Variants in THSD7B observed in about 807,000 individuals in gnomAD.
The protein encoded by THSD7B is thrombospondin type-1 domain-containing protein 7B.
A neutral mutation model predicts 213.6 loss-of-function variants in THSD7B; 138 were observed. That is an observed-to-expected ratio of 0.65 (90% CI 0.56 to 0.74). THSD7B has a LOEUF of 0.74. Among genes scored for constraint, THSD7B ranks in the 30% least tolerant of loss-of-function variants. The probability of loss-of-function intolerance (pLI) is 0.00; values close to 1 mark genes in which losing one functional copy is unlikely to be tolerated. For synonymous variants in THSD7B, 742 were observed against 687.0 expected, an observed-to-expected ratio of 1.08 and a Z score of -1.25; for missense variants, 1,931 against 1,991.5, an observed-to-expected ratio of 0.97 and a Z score of 0.58.
At chr2:137,188,534 T>G (rs1445164227) in intron 7 of THSD7B, among the ~76,000 whole-genome samples, 1 of 152,222 alleles carries the variant, frequency 6.6e-6, no homozygotes, top group African/African-American at 2.4e-5. Context: ...TTACGGAAAC[T>G]CATGATACAC....
chr2:136,867,867 A>G (rs947843431), intron 1 of THSD7B, among the ~76,000 whole-genome samples: 1 of 152,232 alleles, frequency 6.6e-6, no homozygotes, highest in Non-Finnish European at 1.5e-5. Context: ...TATTATTTAG[A>G]AAGTATTTGT....
At chr2:136,899,364 T>A (rs1684023829) in intron 2 of THSD7B, among the ~76,000 whole-genome samples, 1 of 152,238 alleles carries the variant, frequency 6.6e-6, no homozygotes, top group African/African-American at 2.4e-5. Context: ...AGGTGCATGA[T>A]AAATATTTAT....
chr2:136,801,109 C>G (rs1189354958), intron 1 of THSD7B, among the ~76,000 whole-genome samples: 2 of 151,948 alleles, frequency 1.3e-5, no homozygotes, highest in African/African-American at 4.8e-5. Context: ...TTTGCCTTCA[C>G]AAATAATTGA....
chr2:137,557,076 C>T (rs543662919), intron 15 of THSD7B, among the ~76,000 whole-genome samples: 103 of 152,242 alleles, frequency 6.8e-4, no homozygotes, highest in African/African-American at 2.4e-3. Context: ...GACTTAGACT[C>T]CCACACAATA....
intron 2 of THSD7B, among the ~76,000 whole-genome samples, chr2:137,046,172 C>T (rs1044203800): frequency 2.6e-5 from 4 of 152,074 alleles, no homozygotes; most frequent in Non-Finnish European, 5.9e-5. Flanking sequence ...AACTGTATGC[C>T]TAGTGCTGGG....
At chr2:137,572,974 A>G (rs1250544117) in intron 17 of THSD7B, among the ~76,000 whole-genome samples, 1 of 151,882 alleles carries the variant, frequency 6.6e-6, no homozygotes, top group African/African-American at 2.4e-5. Flanking sequence ...TCTGTTAGTG[A>G]TGATCTGTTT....
At chr2:137,031,033 A>G (rs1686656042) in intron 2 of THSD7B, among the ~76,000 whole-genome samples, 1 of 152,210 alleles carries the variant, frequency 6.6e-6, no homozygotes, top group Admixed American at 6.5e-5. Flanking sequence ...CACCTTCATA[A>G]CATGAAAAAC....
chr2:136,831,499 AT>A (rs1452212833), intron 1 of THSD7B, among the ~76,000 whole-genome samples: 2 of 152,188 alleles, frequency 1.3e-5, no homozygotes, highest in Non-Finnish European at 2.9e-5. Context: ...CTTTGGTAGA[AT>A]AGCTAACCTT....
chr2:137,133,507 A>G (rs1021226287), intron 5 of THSD7B, among the ~76,000 whole-genome samples: 1 of 151,176 alleles, frequency 6.6e-6, no homozygotes, highest in African/African-American at 2.4e-5. Context: ...TTTTTTTTTT[A>G]AATGCTGGTT....
chr2:137,165,018 T>G (rs919517590), intron 6 of THSD7B, among the ~76,000 whole-genome samples: 7 of 151,848 alleles, frequency 4.6e-5, no homozygotes, highest in Admixed American at 2.0e-4. Context: ...CCCTAGAACC[T>G]AAAGTATAAT....
At chr2:136,900,514 A>T (rs1040964221) in intron 2 of THSD7B, among the ~76,000 whole-genome samples, 1 of 152,136 alleles carries the variant, frequency 6.6e-6, no homozygotes, top group African/African-American at 2.4e-5. Context: ...TGAAAAAAAC[A>T]GTTTCAACAT....
chr2:137,677,241 G>A lies in THSD7B; in HGVS notation c.*636G>A, dbSNP rs1380219717. The stretch of plus-strand genomic sequence containing the variant: ...GCAGCTACTGAAAATAGCAGCGTGT[G>A]TGTAATTGCTGGACTAGATGAAAGC... On this transcript the variant is annotated 3_prime_UTR_variant, in exon 28 of 28. Coordinates refer to ENST00000409968, the MANE Select transcript of THSD7B (RefSeq NM_001316349.2). 1.3e-5 allele frequency: 2 copies of A among 152,662 alleles called. No homozygotes were observed. Among genetic ancestry groups the A allele is most frequent in the African/African-American group, 2.4e-5 (1 of 41,450 alleles). 9.5% of individuals were successfully genotyped at this position (152,662 alleles called of 1,614,324 possible).
At chr2:137,570,455 C>T (rs1279366601) in intron 16 of THSD7B, among the ~76,000 whole-genome samples, 2 of 152,108 alleles carry the variant, frequency 1.3e-5, no homozygotes, top group East Asian at 1.9e-4. Flanking sequence ...ACTACAGGCG[C>T]CTGCCACCTC....
chr2:137,242,919 T>G (rs1681943960), intron 10 of THSD7B, among the ~76,000 whole-genome samples: 1 of 152,180 alleles, frequency 6.6e-6, no homozygotes, highest in South Asian at 2.1e-4. Flanking sequence ...CTTGTGTGTC[T>G]GGACCCCAGT....
chr2:137,228,630 TTCCAACG>T (rs766289890), intron 7 of THSD7B, among the ~76,000 whole-genome samples: 3 of 152,216 alleles, frequency 2.0e-5, no homozygotes, highest in Non-Finnish European at 4.4e-5. Context: ...TTGCTGATCC[TTCCAACG>T]CCTGAAATAC....
At chr2:136,986,248 A>G (rs1442203033) in intron 2 of THSD7B, among the ~76,000 whole-genome samples, 4 of 152,170 alleles carry the variant, frequency 2.6e-5, no homozygotes, top group African/African-American at 7.2e-5. Context: ...AGGACATTAG[A>G]TTTGGGCAGC....
intron 10 of THSD7B, among the ~76,000 whole-genome samples, chr2:137,257,653 C>T (rs1481809352): frequency 6.6e-6 from 1 of 152,214 alleles, no homozygotes; most frequent in African/African-American, 2.4e-5. Context: ...GCCCATCCAT[C>T]CATGATGCTG....
intron 2 of THSD7B, among the ~76,000 whole-genome samples, chr2:136,969,112 A>C (rs1685366891): frequency 6.6e-6 from 1 of 152,116 alleles, no homozygotes. Flanking sequence ...CATTGTAGTA[A>C]AGACTCTTGC....
intron 17 of THSD7B, among the ~76,000 whole-genome samples, chr2:137,579,636 G>A (rs1681535195): frequency 6.6e-6 from 1 of 152,006 alleles, no homozygotes; most frequent in Admixed American, 6.6e-5. Context: ...CTCTAGTTTT[G>A]AACACTACTT....
Sources: gnomAD v4.1 joint callset for allele counts (sites outside exome capture counted in the v4.1 genomes callset) on GRCh38, gnomAD v4.1.1 for gene constraint, MANE v1.5 for transcripts, NCBI Gene and HGNC (gene_info 2026-07-23, HGNC 2026-07-21) for gene names.